Variants in CEP63 observed in about 807,000 individuals in gnomAD.
CEP63 encodes the protein centrosomal protein of 63 kDa.
A neutral mutation model predicts 89.1 loss-of-function variants in CEP63; 84 were observed. The observed-to-expected ratio is 0.94, with a 90% CI of 0.79 to 1.13. The LOEUF (loss-of-function observed/expected upper bound fraction) is 1.13. CEP63 is among the 50% of genes most tolerant of loss of function. The pLI is 0.00. For synonymous variants in CEP63, 267 were observed against 272.5 expected (o/e 0.98, Z 0.20); for missense variants, 838 against 813.3 (o/e 1.03, Z -0.37).
chr3:134,683,432 C>T, the CEP63 span, among the ~76,000 whole-genome samples: 6 of 152,120 alleles, frequency 3.9e-5, no homozygotes, highest in Admixed American at 3.9e-4. Flanking sequence ...CAAGGTCAAA[C>T]AGCATGATTT....
chr3:134,648,475 G>A, the CEP63 span, among the ~76,000 whole-genome samples: 1 of 152,160 alleles, frequency 6.6e-6, no homozygotes, highest in African/African-American at 2.4e-5. Flanking sequence ...ATTGGGTCTT[G>A]CCCCAGGCAG....
At chr3:134,500,899 A>G (rs1041861570) in intron 2 of CEP63, among the ~76,000 whole-genome samples, 1 of 152,198 alleles carries the variant, frequency 6.6e-6, no homozygotes, top group Non-Finnish European at 1.5e-5. Flanking sequence ...TTTTTGAGTC[A>G]TAAATTCTCT....
intron 11 of CEP63, 100 bp downstream of exon 11, chr3:134,550,360 A>G (rs1954537576): frequency 1.8e-6 from 2 of 1,135,542 alleles, no homozygotes; most frequent in Non-Finnish European, 2.6e-6. Context: ...GTGAATTTTT[A>G]TTAGATACCT....
the CEP63 span, among the ~76,000 whole-genome samples, chr3:134,704,277 C>T: frequency 6.6e-6 from 1 of 152,180 alleles, no homozygotes; most frequent in East Asian, 1.9e-4. Flanking sequence ...CCATGTACTT[C>T]TGTATATGCA....
At chr3:134,515,815 A>G (rs976009177) in intron 3 of CEP63, among the ~76,000 whole-genome samples, 2 of 150,200 alleles carry the variant, frequency 1.3e-5, no homozygotes, top group Admixed American at 1.3e-4. Context: ...TGATAAGCTT[A>G]AAAAAAAAAT....
Position 134,564,520 on chromosome 3 carries a change from C to T in CEP63, c.*2985C>T. The T allele has an allele frequency of 3.0e-6, 3 of 985,470 alleles. No homozygotes were observed. Among genetic ancestry groups the T allele is most frequent in the Non-Finnish European group, 3.6e-6 (3 of 829,958 alleles). The allele number at this position is 985,470 out of a possible 1,614,324, so 61.0% of individuals were successfully genotyped here. A position where few individuals can be genotyped will look rare whatever the true frequency, so the allele number is the denominator to read the frequency against. ...TCTTTCAGGGGCTAAGTCCTGCCTACATCCTCAGTCAGCATGCTGCCTAAC... is the reference window on the plus strand; with the variant it reads ...TCTTTCAGGGGCTAAGTCCTGCCTATATCCTCAGTCAGCATGCTGCCTAAC... On this transcript the variant is annotated 3_prime_UTR_variant, in exon 15 of 15. Coordinates refer to ENST00000675561, the MANE Select transcript of CEP63 (RefSeq NM_001353108.3).
chr3:134,555,094 A>G (rs1353082824), intron 12 of CEP63, among the ~76,000 whole-genome samples: 1 of 151,810 alleles, frequency 6.6e-6, no homozygotes, highest in Non-Finnish European at 1.5e-5. Flanking sequence ...AAAAACTCTC[A>G]ATAAATTAGG....
the CEP63 span, among the ~76,000 whole-genome samples, chr3:134,709,327 G>T: frequency 6.6e-6 from 1 of 152,072 alleles, no homozygotes; most frequent in Non-Finnish European, 1.5e-5. Context: ...AAATGATGAG[G>T]GTGATTGCAC....
chr3:134,694,351 A>T, the CEP63 span, among the ~76,000 whole-genome samples: 1 of 152,196 alleles, frequency 6.6e-6, no homozygotes, highest in East Asian at 1.9e-4. Context: ...GCTGCAGAAG[A>T]TGCCTAATTT....
the CEP63 span, among the ~76,000 whole-genome samples, chr3:134,739,507 C>T: frequency 6.6e-6 from 1 of 152,140 alleles, no homozygotes; most frequent in Non-Finnish European, 1.5e-5. Context: ...TGGAAACAAT[C>T]TGTGTGTCCA....
chr3:134,518,237 C>A (rs573745321), intron 3 of CEP63, among the ~76,000 whole-genome samples: 1 of 152,134 alleles, frequency 6.6e-6, no homozygotes. Flanking sequence ...TCAATTAATA[C>A]AACAAGCAGA....
the CEP63 span, among the ~76,000 whole-genome samples, chr3:134,677,891 C>A: frequency 3.9e-5 from 6 of 151,938 alleles, no homozygotes; most frequent in Non-Finnish European, 7.4e-5. Flanking sequence ...GTATTCCTGG[C>A]ATGCTTTCTC....
chr3:134,499,299 G>A (rs1941224056), intron 2 of CEP63, among the ~76,000 whole-genome samples: 1 of 152,006 alleles, frequency 6.6e-6, no homozygotes, highest in Non-Finnish European at 1.5e-5. Flanking sequence ...CTATTTGTTA[G>A]CATATAGTTG....
At chr3:134,508,499 G>A (rs1442968710) in intron 3 of CEP63, among the ~76,000 whole-genome samples, 1 of 152,064 alleles carries the variant, frequency 6.6e-6, no homozygotes, top group Non-Finnish European at 1.5e-5. Flanking sequence ...TTCTCCTAGG[G>A]CAAAACAAAA....
At position 134,562,358 on chromosome 3, in the gene CEP63, G is replaced by A; in HGVS notation, c.*823G>A. On this transcript the variant is annotated 3_prime_UTR_variant, in exon 15 of 15. Transcript: ENST00000675561. The stretch of plus-strand genomic sequence containing the variant: ...GGGTTTGGGGCCCTGAAAGATGCCA[G>A]CATCTGAGGATCACAGGAAATAGAT... 3.6e-6 allele frequency: 1 copy of A among 278,410 alleles called. No homozygotes were observed. Among genetic ancestry groups the A allele is most frequent in the Non-Finnish European group, 5.5e-6 (1 of 183,214 alleles). The allele number at this position is 278,410 out of a possible 1,614,324, so 17.2% of individuals were successfully genotyped here.
At chr3:134,661,629 T>C in the CEP63 span, among the ~76,000 whole-genome samples, 84 of 151,696 alleles carry the variant, frequency 5.5e-4, no homozygotes, top group African/African-American at 2.0e-3. Flanking sequence ...TGACGAGCAA[T>C]TGAAATGCTT....
the CEP63 span, chr3:134,628,179 A>G: frequency 3.7e-6 from 1 of 273,606 alleles, no homozygotes; most frequent in Admixed American, 4.8e-5. Context: ...ACTGCCAGAT[A>G]ATGCCGGGAT....
the CEP63 span, among the ~76,000 whole-genome samples, chr3:134,596,606 T>C: frequency 1.3e-5 from 2 of 152,162 alleles, no homozygotes; most frequent in Admixed American, 1.3e-4. Flanking sequence ...GCTCAGTGGA[T>C]GGTTATGGAC....
At chr3:134,593,411 C>T in the CEP63 span, among the ~76,000 whole-genome samples, 1 of 152,168 alleles carries the variant, frequency 6.6e-6, no homozygotes. Flanking sequence ...CCCTGTTTTA[C>T]TGATGAGGAA....
Sources: allele counts gnomAD v4.1 joint callset (sites outside exome capture counted in the v4.1 genomes callset), GRCh38; gene constraint gnomAD v4.1.1; transcripts MANE v1.5; gene names NCBI Gene and HGNC (gene_info 2026-07-23, HGNC 2026-07-21).